BARHL2: variants seen among roughly 807,000 people sequenced by gnomAD.
The protein encoded by BARHL2 is BarH like homeobox 2.
BARHL2 carries 10 observed loss-of-function variants against 27.1 expected under a neutral mutation model. That is an observed-to-expected ratio of 0.37 (90% CI 0.23 to 0.63). The LOEUF (loss-of-function observed/expected upper bound fraction) is 0.63, where lower values mean the gene tolerates loss of function less well. BARHL2 is among the 20% of genes least tolerant of loss of function. BARHL2 has a pLI of 0.65. For synonymous variants in BARHL2, 248 were observed against 224.7 expected (o/e 1.10, Z -0.93); for missense variants, 483 against 533.5 (o/e 0.91, Z 0.93).
chr1:90,712,342 GC>G lies in BARHL2; in HGVS notation c.1133del (p.Ser378ThrfsTer91), dbSNP rs1658050439. 6.6e-7 allele frequency: 1 copy of G among 1,515,818 alleles called. No individual in the cohort carries two copies. The allele number at this position is 1,515,818 out of a possible 1,614,324, so 93.9% of individuals were successfully genotyped here. ...GGGGGTGTGGGGTGCCTGGGATGGG[GC>G]TGGACAATGGATTAAGGGCTGGCTG... ...GGQPALNPLS[S>X]PIPGTPHPR On this transcript the variant is annotated frameshift_variant, in exon 3 of 3. Transcript: ENST00000370445. LOFTEE classifies it high-confidence loss of function.
Position 90,714,688 on chromosome 1 carries a change from G to C in BARHL2, c.694C>G (p.Pro232Ala), listed in dbSNP as rs1206378413. Residue 232 changes from proline (P) to alanine (A), a missense_variant, in exon 2 of 3, where the codon CCT (proline) becomes GCT (alanine). Physicochemically the swap from Pro to Ala is conservative, Grantham distance 27. Coordinates refer to ENST00000370445, the MANE Select transcript of BARHL2 (RefSeq NM_020063.2). ...GAAAAAGCTGTCCTTGCTTTTCGAG[G>C]CTTCTTGGCTCTCACAGGGGGACTC... is the stretch of plus-strand genomic sequence containing the variant. ...RESPPVRAKK[P>A]RKARTAFSDH... The C allele has an allele frequency of 6.2e-7, 1 of 1,614,080 alleles. No homozygotes were observed.
At position 90,711,788 on chromosome 1, in the gene BARHL2, G is replaced by A. The variant is rs1028901349; in HGVS notation, c.*524C>T. 1 of 151,952 alleles carries A rather than the reference G, an allele frequency of 6.6e-6. No individual in the cohort carries two copies. Among genetic ancestry groups the A allele is most frequent in the Non-Finnish European group, 1.5e-5 (1 of 68,054 alleles). The allele number at this position is 151,952 out of a possible 1,614,324, so 9.4% of individuals were successfully genotyped here. On this transcript the variant is annotated 3_prime_UTR_variant, in exon 3 of 3. Transcript: ENST00000370445. ...ACTTTTCCAAAAGAAAAAAGGTCAT[G>A]AGAAATCAGTGCAAAGTTCTCAGTT...
chr1:90,717,123 G>A lies in BARHL2; in HGVS notation c.73C>T (p.Pro25Ser). The change falls in exon 1 of 3, where the codon CCA (proline) becomes TCA (serine). Residue 25 changes from proline to serine, a missense_variant. Pro to Ser is a moderately conservative substitution (Grantham distance 74). Coordinates refer to ENST00000370445, the MANE Select transcript of BARHL2 (RefSeq NM_020063.2). Reference sequence around the variant, plus strand: ...CGGAAATCTCCATTCATCATGCCTGGGCTGCCTGAACTGGCACTGGACAAA... The same window carrying A: ...CGGAAATCTCCATTCATCATGCCTGAGCTGCCTGAACTGGCACTGGACAAA... The part of the protein sequence containing the change: ...TILSSASSGS[P>S]GMMNGDFRPL... 1.2e-6 allele frequency: 2 copies of A among 1,613,866 alleles called. No homozygotes were observed. Among genetic ancestry groups the A allele is most frequent in the Non-Finnish European group, 1.7e-6 (2 of 1,179,974 alleles).
intron 2 of BARHL2, among the ~76,000 whole-genome samples, chr1:90,713,726 T>C (rs1407576349): frequency 6.6e-6 from 1 of 152,092 alleles, no homozygotes; most frequent in Admixed American, 6.5e-5. Flanking sequence ...CAGCAAAACC[T>C]CTGCCTCAGA....
chr1:90,714,896 ACACT>A, intron 1 of BARHL2, 140 bp from the exon 2 acceptor site: 1 of 713,592 alleles, frequency 1.4e-6, no homozygotes, highest in Non-Finnish European at 2.5e-6. Context: ...GAACACACAC[ACACT>A]CACGCCTTAG....
At chr1:90,713,441 A>C (rs1191111328) in intron 2 of BARHL2, among the ~76,000 whole-genome samples, 1 of 152,160 alleles carries the variant, frequency 6.6e-6, no homozygotes, top group African/African-American at 2.4e-5. Context: ...CAAATACCTT[A>C]TGAAGGAACG....
chr1:90,714,142 G>A (rs17478233), intron 2 of BARHL2, among the ~76,000 whole-genome samples: 29,247 of 152,186 alleles, frequency 0.19, 3,343 homozygotes, highest in Non-Finnish European at 0.25. Flanking sequence ...ACAAACCTTT[G>A]GAACCAGCCT....
intron 2 of BARHL2, 33 bp from the exon 3 acceptor site, chr1:90,712,657 G>T (rs770044246): frequency 6.4e-7 from 1 of 1,563,320 alleles, no homozygotes; most frequent in Non-Finnish European, 8.7e-7. Flanking sequence ...GCACCCAGCA[G>T]CTGTGGGCAT....
At chr1:90,715,506 C>A (rs1331089202) in intron 1 of BARHL2, among the ~76,000 whole-genome samples, 1 of 152,122 alleles carries the variant, frequency 6.6e-6, no homozygotes, top group Non-Finnish European at 1.5e-5. Context: ...GCTCCTTGAT[C>A]TTCCCTGCAG....
In BARHL2 at chr1:90,714,679, C is replaced by T; in HGVS notation, c.703G>A (p.Ala235Thr). 1 of 1,614,222 alleles carries T rather than the reference C, an allele frequency of 6.2e-7. No individual in the cohort carries two copies. The highest frequency in any genetic ancestry group is 8.5e-7 in the Non-Finnish European group (1 of 1,180,040). The change falls in exon 2 of 3, where the codon GCA (alanine) becomes ACA (threonine). Residue 235 changes from alanine (A) to threonine (T), a missense_variant. Ala to Thr is a moderately conservative substitution (Grantham distance 58). Transcript: ENST00000370445. ...TGGTGGTCGGAAAAAGCTGTCCTTG[C>T]TTTTCGAGGCTTCTTGGCTCTCACA... ...PPVRAKKPRKARTAFSDHQLN... is the reference protein window; with the variant it reads ...PPVRAKKPRKTRTAFSDHQLN...
At chr1:90,714,128 G>T (rs1462144301) in intron 2 of BARHL2, among the ~76,000 whole-genome samples, 1 of 152,176 alleles carries the variant, frequency 6.6e-6, no homozygotes, top group African/African-American at 2.4e-5. Flanking sequence ...CCGTGTTGTT[G>T]GCTACAAACC....
At position 90,717,107 on chromosome 1, in the gene BARHL2, CCA is replaced by C. The variant is rs750204148; in HGVS notation, c.87_88del (p.Asn29LysfsTer8). The C allele has an allele frequency of 6.2e-7, 1 of 1,613,934 alleles. No individual in the cohort carries two copies. Among genetic ancestry groups the C allele is most frequent in the East Asian group, 2.2e-5 (1 of 44,832 alleles). On this transcript the variant is annotated frameshift_variant, in exon 1 of 3. Transcript: ENST00000370445. LOFTEE classifies it high-confidence loss of function. ...GGCCTCACCGAGCGGGCGGAAATCT[CCA>C]TTCATCATGCCTGGGCTGCCTGAAC...
intron 1 of BARHL2, among the ~76,000 whole-genome samples, chr1:90,716,312 A>G (rs557057252): frequency 1.1e-3 from 173 of 152,256 alleles, no homozygotes; most frequent in Admixed American, 2.4e-3. Context: ...CTCAACCCCC[A>G]GTAGATTAAA....
At position 90,712,476 on chromosome 1, in the gene BARHL2, C is replaced by G. The variant is rs374453417; in HGVS notation, c.1000G>C (p.Ala334Pro). Residue 334 changes from alanine to proline, a missense_variant, in exon 3 of 3, where the codon GCC (alanine) becomes CCC (proline). This residue lies in a region of BARHL2 where 130 missense variants were observed against 138.0 expected (regional missense o/e 0.94). Coordinates refer to ENST00000370445, the MANE Select transcript of BARHL2 (RefSeq NM_020063.2). Reference protein sequence around the residue: ...SMDSTTAAAAAAAMYSSMYRT... With the variant: ...SMDSTTAAAAPAAMYSSMYRT... The stretch of plus-strand genomic sequence containing the variant: ...TACATGCTGCTGTACATGGCAGCGG[C>G]AGCCGCCGCCGCCGTAGTGCTGTCC... The G allele has an allele frequency of 6.5e-5, 104 of 1,610,586 alleles. No homozygotes were observed. The highest frequency in any genetic ancestry group is 8.6e-5 in the Non-Finnish European group (101 of 1,178,986).
intron 2 of BARHL2, among the ~76,000 whole-genome samples, 160 bp downstream of exon 2, chr1:90,714,371 G>T (rs1185611024): frequency 1.3e-5 from 2 of 152,200 alleles, no homozygotes; most frequent in Non-Finnish European, 2.9e-5. Flanking sequence ...CACCTTGGGG[G>T]TGTGGCTCAT....
chr1:90,716,824 GGGC>G lies in BARHL2; in HGVS notation c.369_371del (p.Pro125del), dbSNP rs532560427. 1.0e-5 allele frequency: 16 copies of G among 1,551,332 alleles called. No homozygotes were observed. Among genetic ancestry groups the G allele is most frequent in the African/African-American group, 2.7e-5 (2 of 72,990 alleles). On this transcript the variant is annotated inframe_deletion, in exon 1 of 3. Coordinates refer to ENST00000370445, the MANE Select transcript of BARHL2 (RefSeq NM_020063.2). ...AGGCGGCCGAGCCCAGCTGCTGGGG[GGGC>G]GGCGGCGGCGGCTGCTGTGGCGGCA...
At chr1:90,712,665 C>A in intron 2 of BARHL2, 41 bp from the exon 3 acceptor site, 1 of 1,550,476 alleles carries the variant, frequency 6.4e-7, no homozygotes, top group Non-Finnish European at 8.7e-7. Context: ...CAGCTGTGGG[C>A]ATGGTCCAGG....
At position 90,716,822 on chromosome 1, in the gene BARHL2, G is replaced by A. The variant is rs778419577; in HGVS notation, c.374C>T (p.Pro125Leu). Reference sequence around the variant, plus strand: ...CGAGGCGGCCGAGCCCAGCTGCTGGGGGGGCGGCGGCGGCGGCTGCTGTGG... The same window carrying A: ...CGAGGCGGCCGAGCCCAGCTGCTGGAGGGGCGGCGGCGGCGGCTGCTGTGG... ...LPPQQPPPPP[P>L]QQLGSAASAP... The change falls in exon 1 of 3, where the codon CCC becomes CTC. Residue 125 changes from proline (P) to leucine (L), a missense_variant. Around this residue, in one of 3 missense-constraint regions of BARHL2, gnomAD observed 304 missense variants for 284.9 expected, o/e 1.07. Coordinates refer to ENST00000370445, the MANE Select transcript of BARHL2 (RefSeq NM_020063.2). The A allele has an allele frequency of 3.9e-6, 6 of 1,552,680 alleles. No individual in the cohort carries two copies. The highest frequency in any genetic ancestry group is 5.2e-6 in the Non-Finnish European group (6 of 1,147,854).
intron 1 of BARHL2, 123 bp downstream of exon 1, chr1:90,716,448 C>G: frequency 2.0e-6 from 2 of 1,024,560 alleles, no homozygotes; most frequent in Non-Finnish European, 3.0e-6. Flanking sequence ...TTTTGACCGT[C>G]GCCCAGTCGC....
Sources: allele counts gnomAD v4.1 joint callset (sites outside exome capture counted in the v4.1 genomes callset), GRCh38; gene constraint gnomAD v4.1.1; regional missense constraint gnomAD v4.1.1; transcripts MANE v1.5; gene names NCBI Gene and HGNC (gene_info 2026-07-23, HGNC 2026-07-21).